Variants in LHFPL2 observed in about 807,000 individuals in gnomAD.
The protein encoded by LHFPL2 is LHFPL tetraspan subfamily member 2 protein.
In LHFPL2, 7 loss-of-function variants were observed where a neutral mutation model predicts 17.5. That is an observed-to-expected ratio of 0.40 (90% CI 0.23 to 0.75). The LOEUF is 0.75. Ranked by LOEUF, LHFPL2 falls within the 30% of genes least tolerant of loss-of-function variation. The probability of loss-of-function intolerance (pLI) is 0.37; values close to 1 mark genes in which losing one functional copy is unlikely to be tolerated. For missense variants in LHFPL2, 241 were observed against 294.8 expected, an observed-to-expected ratio of 0.82 and a Z score of 1.34; for synonymous variants, 134 against 116.2, an observed-to-expected ratio of 1.15 and a Z score of -0.99.
chr5:78,609,400 G>A (rs1357596712), intron 2 of LHFPL2, among the ~76,000 whole-genome samples: 7 of 131,762 alleles, frequency 5.3e-5, no homozygotes, highest in South Asian at 4.9e-4. Flanking sequence ...AAGGTGAGCC[G>A]AGATCGAGCC....
chr5:78,504,840 A>G lies in LHFPL2; in HGVS notation c.430+4944T>C, dbSNP rs1028312101. Among the ~76,000 whole-genome samples, 5 of 152,234 alleles carry G rather than the reference A, an allele frequency of 3.3e-5. No individual in the cohort carries two copies. The East Asian group carries it at 9.6e-4, about 29-fold the overall frequency. ...CAGAGGCAGGGTTCAGCCCCAGGGC[A>G]ATCTATCTGGTCAGACTGGTGGGGC... On this transcript the variant is annotated intron_variant, in intron 4 of 4. Transcript: ENST00000380345.
chr5:78,560,922 G>C (rs981326596), intron 3 of LHFPL2, among the ~76,000 whole-genome samples: 5 of 152,126 alleles, frequency 3.3e-5, no homozygotes, highest in Admixed American at 1.3e-4. Flanking sequence ...ATTACTGTAA[G>C]CCATGTGTAT....
intron 2 of LHFPL2, among the ~76,000 whole-genome samples, chr5:78,577,237 T>C (rs1757155760): frequency 6.6e-6 from 1 of 152,228 alleles, no homozygotes; most frequent in African/African-American, 2.4e-5. Flanking sequence ...ATCGTCCTGA[T>C]GCCCTAACTG....
intron 2 of LHFPL2, among the ~76,000 whole-genome samples, chr5:78,570,227 G>C (rs1204477797): frequency 6.6e-6 from 1 of 152,188 alleles, no homozygotes; most frequent in Non-Finnish European, 1.5e-5. Context: ...ATTGCCCTAT[G>C]AACATTCCCT....
At position 78,487,623 on chromosome 5, in the gene LHFPL2, G is replaced by A. The variant is rs1754292032; in HGVS notation, c.*1274C>T. ...CTATCTTCCTGAATCAGTGATATTGGTAATTTATGGAAAGTAGATTAAAAA... is the reference window on the plus strand; with the variant it reads ...CTATCTTCCTGAATCAGTGATATTGATAATTTATGGAAAGTAGATTAAAAA... On this transcript the variant is annotated 3_prime_UTR_variant, in exon 5 of 5. Transcript: ENST00000380345. 1 of 152,154 alleles carries A rather than the reference G, an allele frequency of 6.6e-6. No homozygotes were observed. The highest frequency in any genetic ancestry group is 2.1e-4 in the South Asian group (1 of 4,820). 9.4% of individuals were successfully genotyped at this position (152,154 alleles called of 1,614,324 possible). A position where few individuals can be genotyped will look rare whatever the true frequency, so the allele number is the denominator to read the frequency against.
intron 3 of LHFPL2, among the ~76,000 whole-genome samples, chr5:78,530,862 C>A (rs547295513): frequency 6.6e-6 from 1 of 152,206 alleles, no homozygotes; most frequent in South Asian, 2.1e-4. Flanking sequence ...GCCTTGACAA[C>A]GGTGTCCCTT....
chr5:78,623,962 T>C (rs956056542), intron 2 of LHFPL2, among the ~76,000 whole-genome samples: 1 of 152,156 alleles, frequency 6.6e-6, no homozygotes, highest in Non-Finnish European at 1.5e-5. Context: ...TACCACCAAA[T>C]CACTTCCTAA....
chr5:78,573,416 T>C (rs1757052927), intron 2 of LHFPL2, among the ~76,000 whole-genome samples: 1 of 152,200 alleles, frequency 6.6e-6, no homozygotes, highest in African/African-American at 2.4e-5. Flanking sequence ...AACTATAGCT[T>C]AGCTAAAAAT....
chr5:78,560,137 C>T (rs1017266835), intron 3 of LHFPL2, among the ~76,000 whole-genome samples: 9 of 152,236 alleles, frequency 5.9e-5, no homozygotes, highest in Non-Finnish European at 1.3e-4. Flanking sequence ...GCTATCCTCA[C>T]CACCATCACC....
At chr5:78,594,546 T>C (rs1172918749) in intron 2 of LHFPL2, among the ~76,000 whole-genome samples, 1 of 152,146 alleles carries the variant, frequency 6.6e-6, no homozygotes, top group Non-Finnish European at 1.5e-5. Flanking sequence ...AATAAAGTAA[T>C]AGTGGCTATA....
chr5:78,525,487 C>T (rs916799833), intron 3 of LHFPL2, among the ~76,000 whole-genome samples: 2 of 152,168 alleles, frequency 1.3e-5, no homozygotes, highest in Non-Finnish European at 2.9e-5. Context: ...TTCATGGGGT[C>T]ATTAATAAGA....
At chr5:78,533,490 T>C (rs565460543) in intron 3 of LHFPL2, among the ~76,000 whole-genome samples, 1 of 152,278 alleles carries the variant, frequency 6.6e-6, no homozygotes, top group African/African-American at 2.4e-5. Flanking sequence ...CGGTGTAGGA[T>C]GCTATGGAAA....
chr5:78,545,490 A>G (rs1007295451), intron 3 of LHFPL2, among the ~76,000 whole-genome samples: 2 of 152,192 alleles, frequency 1.3e-5, no homozygotes, highest in African/African-American at 4.8e-5. Context: ...CATGGCTTGA[A>G]AGAGTTATTA....
chr5:78,516,159 C>A (rs1220095101), intron 3 of LHFPL2, among the ~76,000 whole-genome samples: 1 of 152,160 alleles, frequency 6.6e-6, no homozygotes, highest in African/African-American at 2.4e-5. Context: ...ATTCTGGCCA[C>A]CCCGTAAAAC....
intron 2 of LHFPL2, among the ~76,000 whole-genome samples, chr5:78,565,239 T>C (rs1241983203): frequency 6.6e-6 from 1 of 152,140 alleles, no homozygotes; most frequent in African/African-American, 2.4e-5. Flanking sequence ...CAGAAACAAA[T>C]TAAGAAATAA....
chr5:78,532,569 A>C (rs1755818225), intron 3 of LHFPL2, among the ~76,000 whole-genome samples: 2 of 152,180 alleles, frequency 1.3e-5, no homozygotes, highest in African/African-American at 4.8e-5. Context: ...TGTTACCTGG[A>C]AACAACAAAA....
intron 2 of LHFPL2, among the ~76,000 whole-genome samples, chr5:78,626,846 C>A (rs193175904): frequency 6.6e-6 from 1 of 151,946 alleles, no homozygotes; most frequent in East Asian, 1.9e-4. Flanking sequence ...TTTGGGAGGC[C>A]GAGACAGAAA....
At chr5:78,603,668 C>T (rs777881578) in intron 2 of LHFPL2, among the ~76,000 whole-genome samples, 20 of 146,856 alleles carry the variant, frequency 1.4e-4, no homozygotes, top group Non-Finnish European at 2.5e-4. Context: ...TGGCTTGAGC[C>T]CAAGAGTTCA....
intron 2 of LHFPL2, among the ~76,000 whole-genome samples, chr5:78,588,699 G>GT (rs1407421141): frequency 7.2e-5 from 11 of 152,142 alleles, no homozygotes; most frequent in Non-Finnish European, 1.3e-4. Context: ...GTTGATAAAA[G>GT]TTACTTAACC....
Sources: allele counts gnomAD v4.1 joint callset (sites outside exome capture counted in the v4.1 genomes callset), GRCh38; gene constraint gnomAD v4.1.1; transcripts MANE v1.5; gene names NCBI Gene and HGNC (gene_info 2026-07-23, HGNC 2026-07-21).